Variants in SLC6A18 observed in about 807,000 individuals in gnomAD.
SLC6A18 encodes the protein inactive sodium-dependent neutral amino acid transporter B(0)AT3.
Under a neutral mutation model 62.9 loss-of-function variants are expected in SLC6A18, and 58 were observed. That is an observed-to-expected ratio of 0.92 (90% CI 0.75 to 1.15). SLC6A18 has a LOEUF of 1.15. Ranked by LOEUF, SLC6A18 falls within the 50% of genes most tolerant of loss-of-function variation. The pLI is 0.00. For synonymous variants in SLC6A18, 382 were observed against 365.8 expected, an observed-to-expected ratio of 1.04 and a Z score of -0.51; for missense variants, 793 against 836.6, an observed-to-expected ratio of 0.95 and a Z score of 0.64.
At chr5:1,227,722 CG>C (rs1746619893) in intron 1 of SLC6A18, among the ~76,000 whole-genome samples, 1 of 152,192 alleles carries the variant, frequency 6.6e-6, no homozygotes, top group Admixed American at 6.5e-5. Context: ...CAAAACGTTG[CG>C]GTAAAGATTT....
At chr5:1,234,022 T>G (rs1405338913) in intron 3 of SLC6A18, among the ~76,000 whole-genome samples, 2 of 152,130 alleles carry the variant, frequency 1.3e-5, no homozygotes, top group Non-Finnish European at 2.9e-5. Context: ...ATTACAGGCG[T>G]GAGCCACCGC....
chr5:1,231,003 G>A (rs375261801), intron 1 of SLC6A18, among the ~76,000 whole-genome samples: 19 of 152,328 alleles, frequency 1.2e-4, no homozygotes, highest in African/African-American at 2.9e-4. Context: ...CTTCAGCAGC[G>A]TAGTGATGCC....
rs1747218597 is a variant in SLC6A18 at position 1,246,135 on chromosome 5, T to TGGGCGGG, written c.*59_*65dup. 5 of 1,324,690 alleles carry TGGGCGGG rather than the reference T, an allele frequency of 3.8e-6. No individual in the cohort carries two copies. Among genetic ancestry groups the TGGGCGGG allele is most frequent in the Non-Finnish European group, 3.0e-6 (3 of 1,014,544 alleles). The allele number at this position is 1,324,690 out of a possible 1,614,324, so 82.1% of individuals were successfully genotyped here. A position where few individuals can be genotyped will look rare whatever the true frequency, so the allele number is the denominator to read the frequency against. The stretch of plus-strand genomic sequence containing the variant: ...TCTGTGGGGGGGCTTGGCCTGATGG[T>TGGGCGGG]GGGCGGGGCCCCGCCCACAGGGCCG... On this transcript the variant is annotated 3_prime_UTR_variant, in exon 12 of 12. Transcript: ENST00000324642.
chr5:1,232,872 G>A lies in SLC6A18; in HGVS notation c.423G>A (p.Pro141=), dbSNP rs183309763. Reference sequence around the variant, plus strand: ...CGCTGCCCTGGAGCTCCTGCCCACCGGACCTCAACAGAACAGGTGAGCTGG... The same window carrying A: ...CGCTGCCCTGGAGCTCCTGCCCACCAGACCTCAACAGAACAGGTGAGCTGG... ...QHPLPWSSCP[P]DLNRTGFVEE... Residue 141 remains proline (P), a synonymous_variant, in exon 3 of 12, where the codon CCG becomes CCA. Transcript: ENST00000324642. The A allele has an allele frequency of 1.7e-5, 27 of 1,612,286 alleles. No individual in the cohort carries two copies. The highest frequency in any genetic ancestry group is 5.0e-5 in the Admixed American group (3 of 59,922).
At chr5:1,228,275 C>T (rs115966729) in intron 1 of SLC6A18, among the ~76,000 whole-genome samples, 2,817 of 152,290 alleles carry the variant, frequency 0.018, 97 homozygotes, top group African/African-American at 0.065. Flanking sequence ...ACGGCCTTCA[C>T]GCCTTGGAGG....
intron 1 of SLC6A18, among the ~76,000 whole-genome samples, chr5:1,231,260 T>C (rs994023307): frequency 2.0e-5 from 3 of 152,180 alleles, no homozygotes; most frequent in African/African-American, 7.2e-5. Flanking sequence ...TACTGGGTGC[T>C]TCCACTAGCT....
chr5:1,231,337 A>G (rs1459811213), intron 1 of SLC6A18, among the ~76,000 whole-genome samples: 1 of 152,074 alleles, frequency 6.6e-6, no homozygotes, highest in Non-Finnish European at 1.5e-5. Flanking sequence ...TGCCATGCCT[A>G]TGGGCACCCC....
In SLC6A18 at chr5:1,244,615, G is replaced by A. The variant is rs952231318; in HGVS notation, c.1504G>A (p.Asp502Asn). The change falls in exon 11 of 12, where the codon GAT (aspartate) becomes AAT (asparagine). Residue 502 changes from aspartate to asparagine, a missense_variant. By Grantham distance (23) the Asp-to-Asn change is conservative (BLOSUM62 1). Coordinates refer to ENST00000324642, the MANE Select transcript of SLC6A18 (RefSeq NM_182632.3). The part of the protein sequence containing the change: ...VYVYGMKRFC[D>N]DIAWMTGRRP... ...GCCCAGCATCTGGTGCAGGTTCTGCGATGACATTGCGTGGATGACCGGGAG... is the reference window on the plus strand; with the variant it reads ...GCCCAGCATCTGGTGCAGGTTCTGCAATGACATTGCGTGGATGACCGGGAG... 10 of 1,597,552 alleles carry A rather than the reference G, an allele frequency of 6.3e-6. No individual in the cohort carries two copies. In the Admixed American group the frequency reaches 6.8e-5, roughly 11 times the overall value.
chr5:1,240,100 G>A (rs1282438273), intron 6 of SLC6A18, among the ~76,000 whole-genome samples: 1 of 152,234 alleles, frequency 6.6e-6, no homozygotes, highest in Non-Finnish European at 1.5e-5. Context: ...GGCCTTTAGG[G>A]AAGGAAGTGC....
At position 1,225,717 on chromosome 5, in the gene SLC6A18, C is replaced by T. The variant is rs546587787; in HGVS notation, c.160+80C>T. 68 of 1,458,384 alleles carry T rather than the reference C, an allele frequency of 4.7e-5. No individual in the cohort carries two copies. In the East Asian group the frequency reaches 7.6e-4, roughly 16 times the overall value. The allele number at this position is 1,458,384 out of a possible 1,614,324, so 90.3% of individuals were successfully genotyped here. A position where few individuals can be genotyped will look rare whatever the true frequency, so the allele number is the denominator to read the frequency against. On this transcript the variant is annotated intron_variant, in intron 1 of 11. Transcript: ENST00000324642. ...ACCCTGACCTGCCAGGCGCCTGCCACGCATCCCCAGTGCTTGGGCAGAGTC... is the reference window on the plus strand; with the variant it reads ...ACCCTGACCTGCCAGGCGCCTGCCATGCATCCCCAGTGCTTGGGCAGAGTC...
chr5:1,235,129 G>A (rs146648770), intron 3 of SLC6A18, among the ~76,000 whole-genome samples: 39 of 152,328 alleles, frequency 2.6e-4, no homozygotes, highest in African/African-American at 5.3e-4. Flanking sequence ...GCCGCTCTCC[G>A]TCCAGTGCTC....
intron 3 of SLC6A18, among the ~76,000 whole-genome samples, chr5:1,233,902 T>A (rs181215940): frequency 6.6e-6 from 1 of 151,988 alleles, no homozygotes; most frequent in African/African-American, 2.4e-5. Context: ...CCACCAGGCC[T>A]GGCTAATTTT....
chr5:1,242,888 C>G (rs1163579444), intron 8 of SLC6A18, 25 bp downstream of exon 8: 25 of 1,576,362 alleles, frequency 1.6e-5, no homozygotes, highest in Middle Eastern at 1.7e-4. Context: ...CCTGGGGTAG[C>G]CAGGCAGGGC....
chr5:1,242,952 A>T, intron 8 of SLC6A18, 89 bp downstream of exon 8: 1 of 1,429,482 alleles, frequency 7.0e-7, no homozygotes, highest in Non-Finnish European at 9.4e-7. Flanking sequence ...CAAAGGCTGC[A>T]AACAATTCCC....
rs561066875 is a variant in SLC6A18 at position 1,241,218 on chromosome 5, C to T, written c.974+559C>T. Among the ~76,000 whole-genome samples, 13 of 152,334 alleles carry T rather than the reference C, an allele frequency of 8.5e-5. No homozygotes were observed. The highest frequency in any genetic ancestry group is 2.6e-4 in the Admixed American group (4 of 15,306). ...AGGTTGTCCCCTGCACAGGCAGCTG[C>T]CTCGTCAGACCCACGGCCCTCTTAG... On this transcript the variant is annotated intron_variant, in intron 7 of 11. Coordinates refer to ENST00000324642, the MANE Select transcript of SLC6A18 (RefSeq NM_182632.3). This position sits in a 1 kb window ranked among gnomAD's most constrained non-coding sequence, Gnocchi z 7.8.
At chr5:1,235,726 T>G in intron 4 of SLC6A18, 64 bp downstream of exon 4, 2 of 1,543,932 alleles carry the variant, frequency 1.3e-6, no homozygotes, top group Non-Finnish European at 8.9e-7. Context: ...CCCTCCCCAT[T>G]GACCTGTGTT....
Position 1,225,496 on chromosome 5 carries a change from C to A in SLC6A18, c.19C>A (p.Pro7Thr). Reference protein sequence around the residue: MAHAPEPDPAACDLGDE... With the variant: MAHAPETDPAACDLGDE... ...AGTCACCATGGCTCATGCCCCAGAA[C>A]CGGACCCGGCCGCCTGCGACCTCGG... is the stretch of plus-strand genomic sequence containing the variant. Residue 7 changes from proline (P) to threonine (T), a missense_variant, in exon 1 of 12, where the codon CCG becomes ACG. Coordinates refer to ENST00000324642, the MANE Select transcript of SLC6A18 (RefSeq NM_182632.3). 6.2e-7 allele frequency: 1 copy of A among 1,612,802 alleles called. No individual in the cohort carries two copies. Among genetic ancestry groups the A allele is most frequent in the East Asian group, 2.2e-5 (1 of 44,862 alleles).
At chr5:1,240,909 A>G (rs1050242461) in intron 7 of SLC6A18, among the ~76,000 whole-genome samples, 2 of 152,216 alleles carry the variant, frequency 1.3e-5, no homozygotes, top group Non-Finnish European at 2.9e-5. Context: ...CCCTAAATCC[A>G]ATAACCACAG....
chr5:1,246,117 G>T lies in SLC6A18; in HGVS notation c.*39G>T, dbSNP rs756869109. ...GGGGCCTGCATGGGCGGGTCTGTGGGGGGGCTTGGCCTGATGGTGGGCGGG... is the reference window on the plus strand; with the variant it reads ...GGGGCCTGCATGGGCGGGTCTGTGGTGGGGCTTGGCCTGATGGTGGGCGGG... On this transcript the variant is annotated 3_prime_UTR_variant, in exon 12 of 12. Coordinates refer to ENST00000324642, the MANE Select transcript of SLC6A18 (RefSeq NM_182632.3). The T allele has an allele frequency of 7.9e-6, 12 of 1,523,402 alleles. No homozygotes were observed. The highest frequency in any genetic ancestry group is 9.6e-6 in the Non-Finnish European group (11 of 1,140,144). 94.4% of individuals were successfully genotyped at this position (1,523,402 alleles called of 1,614,324 possible).
Sources: gnomAD v4.1 joint callset for allele counts (sites outside exome capture counted in the v4.1 genomes callset) on GRCh38, gnomAD v4.1.1 for gene constraint, Gnocchi (gnomAD v3.1) non-coding constraint, MANE v1.5 for transcripts, NCBI Gene and HGNC (gene_info 2026-07-23, HGNC 2026-07-21) for gene names.